CYP27A1: variants seen among roughly 807,000 people sequenced by gnomAD.
CYP27A1 encodes the protein sterol 26-hydroxylase, mitochondrial.
Under a neutral mutation model 58.2 loss-of-function variants are expected in CYP27A1, and 46 were observed. The observed-to-expected ratio is 0.79, with a 90% CI of 0.62 to 1.01. The LOEUF (loss-of-function observed/expected upper bound fraction) is 1.01. CYP27A1 is among the 50% of genes least tolerant of loss of function. CYP27A1 has a pLI of 0.00. For missense variants in CYP27A1, 704 were observed against 687.0 expected (o/e 1.02, Z -0.28); for synonymous variants, 274 against 285.1 (o/e 0.96, Z 0.39).
At chr2:218,808,943 T>C (rs1943679797) in intron 1 of CYP27A1, among the ~76,000 whole-genome samples, 1 of 152,170 alleles carries the variant, frequency 6.6e-6, no homozygotes, top group Admixed American at 6.5e-5. Flanking sequence ...TATTTCTTTT[T>C]TTGTCATGTT....
chr2:218,814,717 G>C lies in CYP27A1; in HGVS notation c.1436G>C (p.Arg479Pro), dbSNP rs199638075. The change falls in exon 8 of 9, where the codon CGC (arginine) becomes CCC (proline). Residue 479 changes from arginine to proline, a missense_variant. Transcript: ENST00000258415. The stretch of plus-strand genomic sequence containing the variant: ...TATGGGGTCCGGGCCTGCCTGGGCC[G>C]CAGGATTGCAGAGCTGGAGATGCAG... The part of the protein sequence containing the change: ...FGYGVRACLG[R>P]RIAELEMQLL... 6.2e-7 allele frequency: 1 copy of C among 1,614,162 alleles called. No individual in the cohort carries two copies. The highest frequency in any genetic ancestry group is 1.7e-5 in the Admixed American group (1 of 60,022).
rs1270779041 is a variant in CYP27A1 at position 218,782,647 on chromosome 2, C to CT, written c.255+212dup. 1.3e-5 allele frequency among the ~76,000 whole-genome samples: 2 copies of CT among 152,110 alleles called. No homozygotes were observed. The highest frequency in any genetic ancestry group is 4.8e-5 in the African/African-American group (2 of 41,416). On this transcript the variant is annotated intron_variant, in intron 1 of 8. Transcript: ENST00000258415. This position sits in a 1 kb window ranked among gnomAD's most constrained non-coding sequence, Gnocchi z 4.1. ...CTGAGATAAACAGGACGAGGAAGGG[C>CT]TTAAATCAGGACGGCACCAGTAAGG...
At position 218,814,644 on chromosome 2, in the gene CYP27A1, C is replaced by G; in HGVS notation, c.1363C>G (p.Pro455Ala). 6.2e-7 allele frequency: 1 copy of G among 1,614,248 alleles called. No homozygotes were observed. The highest frequency in any genetic ancestry group is 8.5e-7 in the Non-Finnish European group (1 of 1,180,036). The change falls in exon 8 of 9, where the codon CCT becomes GCT. Residue 455 changes from proline (P) to alanine (A), a missense_variant. Physicochemically the swap from Pro to Ala is conservative, Grantham distance 27. Coordinates refer to ENST00000258415, the MANE Select transcript of CYP27A1 (RefSeq NM_000784.4). ...QPHRWLRNSQ[P>A]ATPRIQHPFG... Reference sequence around the variant, plus strand: ...CCACCGCTGGCTGAGAAACAGCCAGCCTGCTACCCCCAGGATCCAGCACCC... The same window carrying G: ...CCACCGCTGGCTGAGAAACAGCCAGGCTGCTACCCCCAGGATCCAGCACCC...
Position 218,782,267 on chromosome 2 carries a change from G to A in CYP27A1, c.85G>A (p.Ala29Thr), listed in dbSNP as rs1266912871. Reference sequence around the variant, plus strand: ...CTGCCCCCACGGGGCCAGAGCCAAGGCCGCGATCCCTGCCGCCCTCCCCTC... The same window carrying A: ...CTGCCCCCACGGGGCCAGAGCCAAGACCGCGATCCCTGCCGCCCTCCCCTC... ...GLCPHGARAKAAIPAALPSDK... is the reference protein window; with the variant it reads ...GLCPHGARAKTAIPAALPSDK... Residue 29 changes from alanine (A) to threonine (T), a missense_variant, in exon 1 of 9, where the codon GCC (alanine) becomes ACC (threonine). Transcript: ENST00000258415. The surrounding 1 kb of genome is among the most constrained non-coding windows in gnomAD (Gnocchi z 4.1). 5.7e-6 allele frequency: 9 copies of A among 1,567,998 alleles called. No homozygotes were observed. Among genetic ancestry groups the A allele is most frequent in the African/African-American group, 4.1e-5 (3 of 73,758 alleles).
chr2:218,796,161 G>A (rs1021744430), intron 1 of CYP27A1, among the ~76,000 whole-genome samples: 1 of 152,090 alleles, frequency 6.6e-6, no homozygotes, highest in African/African-American at 2.4e-5. Flanking sequence ...GGCTTGGCAA[G>A]TCGAGCTTGA....
chr2:218,789,390 G>A (rs977726007), intron 1 of CYP27A1, among the ~76,000 whole-genome samples: 3 of 152,230 alleles, frequency 2.0e-5, no homozygotes, highest in Admixed American at 6.5e-5. Context: ...ACAGCGTCCC[G>A]AGCCAGAGTA....
intron 1 of CYP27A1, among the ~76,000 whole-genome samples, chr2:218,794,421 A>G (rs560985007): frequency 3.9e-5 from 6 of 152,340 alleles, no homozygotes; most frequent in African/African-American, 1.4e-4. Context: ...CTCTGGTTGC[A>G]TGACCATTTG....
intron 7 of CYP27A1, 35 bp downstream of exon 7, chr2:218,814,493 T>C (rs1461732972): frequency 6.2e-7 from 1 of 1,612,864 alleles, no homozygotes; most frequent in Non-Finnish European, 8.5e-7. Context: ...TGCCCAGGAG[T>C]GCCCTATGCC....
intron 1 of CYP27A1, among the ~76,000 whole-genome samples, chr2:218,793,161 C>T (rs750830171): frequency 1.6e-4 from 25 of 152,146 alleles, no homozygotes; most frequent in African/African-American, 4.8e-4. Context: ...CTGCAACCTC[C>T]GCTTCCTGGG....
Position 218,812,734 on chromosome 2 carries a change from G to A in CYP27A1, c.829G>A (p.Ala277Thr). Reference protein sequence around the residue: ...FWKRYLDGWNAIFSFGKKLID... With the variant: ...FWKRYLDGWNTIFSFGKKLID... Reference sequence around the variant, plus strand: ...GAAGCGATACCTGGATGGTTGGAATGCCATCTTTTCCTTTGGTGAGGACTC... The same window carrying A: ...GAAGCGATACCTGGATGGTTGGAATACCATCTTTTCCTTTGGTGAGGACTC... Residue 277 changes from alanine (A) to threonine (T), a missense_variant, in exon 4 of 9, where the codon GCC becomes ACC. Ala to Thr is a moderately conservative substitution (Grantham distance 58). Coordinates refer to ENST00000258415, the MANE Select transcript of CYP27A1 (RefSeq NM_000784.4). 6.2e-7 allele frequency: 1 copy of A among 1,614,214 alleles called. No individual in the cohort carries two copies. The highest frequency in any genetic ancestry group is 2.2e-5 in the East Asian group (1 of 44,892).
chr2:218,813,514 C>T (rs1300078091), intron 5 of CYP27A1, among the ~76,000 whole-genome samples: 1 of 152,158 alleles, frequency 6.6e-6, no homozygotes, highest in African/African-American at 2.4e-5. Flanking sequence ...CAACCTCTGC[C>T]TCCTGGGTGC....
chr2:218,792,151 A>T (rs996374280), intron 1 of CYP27A1, among the ~76,000 whole-genome samples: 1 of 152,214 alleles, frequency 6.6e-6, no homozygotes, highest in Non-Finnish European at 1.5e-5. Context: ...AATAAAAAAA[A>T]GCTTTAAGGA....
chr2:218,814,190 A>G lies in CYP27A1; in HGVS notation c.1184+3A>G, dbSNP rs1943757633. On this transcript the variant is annotated splice_donor_region_variant and intron_variant, in intron 6 of 8. Coordinates refer to ENST00000258415, the MANE Select transcript of CYP27A1 (RefSeq NM_000784.4). ...GCTGTGCTTAAGGAGACTCTGCGGT[A>G]GGACAGAATGCTGTTCTGGGGGGCA... 6.2e-7 allele frequency: 1 copy of G among 1,614,250 alleles called. No individual in the cohort carries two copies. Among genetic ancestry groups the G allele is most frequent in the Admixed American group, 1.7e-5 (1 of 60,030 alleles).
At chr2:218,799,954 G>A (rs1297411309) in intron 1 of CYP27A1, among the ~76,000 whole-genome samples, 1 of 152,078 alleles carries the variant, frequency 6.6e-6, no homozygotes, top group Non-Finnish European at 1.5e-5. Flanking sequence ...CTTAGAGAAG[G>A]AGGGACTTGG....
At chr2:218,783,832 A>T (rs1382989272) in intron 1 of CYP27A1, among the ~76,000 whole-genome samples, 1 of 152,046 alleles carries the variant, frequency 6.6e-6, no homozygotes, top group African/African-American at 2.4e-5. Flanking sequence ...AGGAGTCAAA[A>T]GTAAGGAGGA....
intron 1 of CYP27A1, among the ~76,000 whole-genome samples, chr2:218,790,618 GA>G (rs1169266794): frequency 6.6e-6 from 1 of 152,152 alleles, no homozygotes; most frequent in Non-Finnish European, 1.5e-5. Context: ...ACTTTCAGAA[GA>G]GAATTTTAAG....
chr2:218,797,874 T>C (rs141822085), intron 1 of CYP27A1, among the ~76,000 whole-genome samples: 1 of 152,380 alleles, frequency 6.6e-6, no homozygotes, highest in East Asian at 1.9e-4. Context: ...TTAGTCAATA[T>C]GTTCACACAC....
intron 2 of CYP27A1, among the ~76,000 whole-genome samples, chr2:218,811,143 A>T (rs1943711451): frequency 6.6e-6 from 1 of 152,222 alleles, no homozygotes; most frequent in Non-Finnish European, 1.5e-5. Flanking sequence ...AAAACAAAAC[A>T]AAACAAACAA....
chr2:218,807,428 C>T (rs942291933), intron 1 of CYP27A1, among the ~76,000 whole-genome samples: 1 of 152,188 alleles, frequency 6.6e-6, no homozygotes, highest in Non-Finnish European at 1.5e-5. Context: ...GATTCCCTGC[C>T]TTCTAGAACT....
Sources: gnomAD v4.1 joint callset for allele counts (sites outside exome capture counted in the v4.1 genomes callset) on GRCh38, gnomAD v4.1.1 for gene constraint, Gnocchi (gnomAD v3.1) non-coding constraint, MANE v1.5 for transcripts, NCBI Gene and HGNC (gene_info 2026-07-23, HGNC 2026-07-21) for gene names.